The following ZNF496 variants were observed in gnomAD, a reference collection of about 807,000 sequenced individuals.
ZNF496 encodes NSD1 (nuclear receptor binding SET-domain containing 1)-interacting zinc finger protein 1.
ZNF496 carries 11 observed loss-of-function variants against 58.9 expected under a neutral mutation model. That is an observed-to-expected ratio of 0.19 (90% CI 0.12 to 0.31). The LOEUF is 0.31. ZNF496 is among the 10% of genes least tolerant of loss of function. The probability of loss-of-function intolerance (pLI) is 1.00; values close to 1 mark genes in which losing one functional copy is unlikely to be tolerated. For missense variants in ZNF496, 660 were observed against 783.0 expected, an observed-to-expected ratio of 0.84 and a Z score of 1.88; for synonymous variants, 338 against 318.2, an observed-to-expected ratio of 1.06 and a Z score of -0.66.
chr1:247,321,186 A>G (rs1289288678), intron 6 of ZNF496, among the ~76,000 whole-genome samples: 8 of 152,262 alleles, frequency 5.3e-5, no homozygotes, highest in Admixed American at 4.6e-4. Flanking sequence ...GGGGGAAAAA[A>G]AAACACGGAA....
chr1:247,302,630 T>C (rs902690259), intron 9 of ZNF496, among the ~76,000 whole-genome samples: 2 of 147,328 alleles, frequency 1.4e-5, no homozygotes, highest in Admixed American at 6.7e-5. Context: ...TGTGAGCCAC[T>C]GCGCCCGCCG....
chr1:247,319,184 C>T (rs1039047355), intron 6 of ZNF496, among the ~76,000 whole-genome samples: 2 of 152,098 alleles, frequency 1.3e-5, no homozygotes, highest in Admixed American at 6.6e-5. Context: ...GACAAGGTTT[C>T]GCTATGTTGC....
At chr1:247,321,765 T>C (rs1442600969) in intron 6 of ZNF496, among the ~76,000 whole-genome samples, 3 of 152,254 alleles carry the variant, frequency 2.0e-5, no homozygotes, top group Non-Finnish European at 4.4e-5. Flanking sequence ...TTATGTGTTA[T>C]ACTGGTTAAA....
chr1:247,326,776 C>T (rs1220802467), intron 5 of ZNF496, among the ~76,000 whole-genome samples: 1 of 151,988 alleles, frequency 6.6e-6, no homozygotes, highest in Non-Finnish European at 1.5e-5. Context: ...ATGGGTGGGC[C>T]CTAATCCAAT....
intron 6 of ZNF496, among the ~76,000 whole-genome samples, chr1:247,317,662 G>A (rs1269569786): frequency 1.3e-5 from 2 of 152,006 alleles, no homozygotes; most frequent in Admixed American, 6.6e-5. Flanking sequence ...TGATGCCCGC[G>A]GAGATCCAGG....
At chr1:247,306,495 C>A (rs1285857190) in intron 9 of ZNF496, among the ~76,000 whole-genome samples, 1 of 102,054 alleles carries the variant, frequency 9.8e-6, no homozygotes, top group Non-Finnish European at 2.3e-5. Context: ...CTGCACCTGG[C>A]CGTTTTTTTT....
Position 247,301,261 on chromosome 1 carries a change from C to T in ZNF496, c.1022G>A (p.Arg341Gln), listed in dbSNP as rs767815336. The T allele has an allele frequency of 1.3e-6, 2 of 1,512,468 alleles. No homozygotes were observed. Among genetic ancestry groups the T allele is most frequent in the Non-Finnish European group, 1.8e-6 (2 of 1,133,142 alleles). 93.7% of individuals were successfully genotyped at this position (1,512,468 alleles called of 1,614,324 possible). A position where few individuals can be genotyped will look rare whatever the true frequency, so the allele number is the denominator to read the frequency against. The change falls in exon 10 of 10, where the codon CGA becomes CAA. Residue 341 changes from arginine to glutamine, a missense_variant. Transcript: ENST00000682384. ...TTCATCCAGGCTGTTCTCTAGAGAT[C>T]GCGGGTTGCCGCCAGCTACAGGAAG... ...QNTYPAGGNP[R>Q]SLENSLDEEV...
At chr1:247,307,053 C>G (rs1218445947) in intron 9 of ZNF496, 7 of 965,458 alleles carry the variant, frequency 7.3e-6, no homozygotes, top group Non-Finnish European at 8.6e-6. Context: ...ACTAACTAGG[C>G]AATTCATAGA....
Position 247,320,848 on chromosome 1 carries a change from C to T in ZNF496, c.651+2306G>A, listed in dbSNP as rs186736678. ...GAATGGATAAACAAGGTGATATATA[C>T]ACACATGGGAGTATTATTCAACCTT... is the stretch of plus-strand genomic sequence containing the variant. On this transcript the variant is annotated intron_variant, in intron 6 of 9. Coordinates refer to ENST00000682384, the MANE Select transcript of ZNF496 (RefSeq NM_032752.3). Among the ~76,000 whole-genome samples, 27 of 152,262 alleles carry T rather than the reference C, an allele frequency of 1.8e-4. No homozygotes were observed. In the East Asian group the frequency reaches 4.6e-3, roughly 26 times the overall value.
In ZNF496 at chr1:247,319,929, A is replaced by G. The variant is rs531997010; in HGVS notation, c.651+3225T>C. ...CAGAGTGAGACTCCGCCTCAAACAA[A>G]ATAAAACAACACATATATACTATCT... On this transcript the variant is annotated intron_variant, in intron 6 of 9. Coordinates refer to ENST00000682384, the MANE Select transcript of ZNF496 (RefSeq NM_032752.3). 3.9e-5 allele frequency among the ~76,000 whole-genome samples: 6 copies of G among 152,312 alleles called. No individual in the cohort carries two copies. In the South Asian group the frequency reaches 1.0e-3, roughly 26 times the overall value.
At chr1:247,328,975 T>C (rs1394890562) in intron 4 of ZNF496, 109 bp from the exon 5 acceptor site, 20 of 1,440,792 alleles carry the variant, frequency 1.4e-5, no homozygotes, top group Non-Finnish European at 1.8e-5. Context: ...AACTTAGGCC[T>C]TGGACTGGGC....
chr1:247,309,986 G>C lies in ZNF496; in HGVS notation c.785-180C>G. 1.5e-6 allele frequency: 2 copies of C among 1,352,358 alleles called. No homozygotes were observed. The highest frequency in any genetic ancestry group is 2.0e-6 in the Non-Finnish European group (2 of 1,022,840). 83.8% of individuals were successfully genotyped at this position (1,352,358 alleles called of 1,614,324 possible). On this transcript the variant is annotated intron_variant, in intron 7 of 9. Transcript: ENST00000682384. The surrounding 1 kb of genome is among the most constrained non-coding windows in gnomAD (Gnocchi z 4.3). ...AGTGGGGGCAGCACACGCAGGGAGA[G>C]CTATGGGCTTGGGGGTCTCTCTGAG...
At position 247,298,685 on chromosome 1, in the gene ZNF496, G is replaced by C. The variant is rs960542831; in HGVS notation, c.*1834C>G. ...AGGAGCCTTGCCTGACTTACTGTCTGTTGGTAGGATGTGACATATGAATAA... is the reference window on the plus strand; with the variant it reads ...AGGAGCCTTGCCTGACTTACTGTCTCTTGGTAGGATGTGACATATGAATAA... On this transcript the variant is annotated 3_prime_UTR_variant, in exon 10 of 10. Coordinates refer to ENST00000682384, the MANE Select transcript of ZNF496 (RefSeq NM_032752.3). 6.6e-5 allele frequency: 10 copies of C among 152,294 alleles called. No homozygotes were observed. The highest frequency in any genetic ancestry group is 1.3e-4 in the Non-Finnish European group (9 of 68,092). 9.4% of individuals were successfully genotyped at this position (152,294 alleles called of 1,614,324 possible).
At chr1:247,327,812 C>T (rs1003437113) in intron 5 of ZNF496, among the ~76,000 whole-genome samples, 1 of 82,754 alleles carries the variant, frequency 1.2e-5, no homozygotes, top group Non-Finnish European at 2.7e-5. Context: ...TAAGAAAGCC[C>T]CCCTGGCCCC....
Position 247,308,715 on chromosome 1 carries a change from CAGGGGGTGG to C in ZNF496, c.893-136_893-128del. The C allele has an allele frequency of 1.2e-6, 1 of 816,962 alleles. No homozygotes were observed. Among genetic ancestry groups the C allele is most frequent in the South Asian group, 1.7e-5 (1 of 59,844 alleles). The allele number at this position is 816,962 out of a possible 1,614,324, so 50.6% of individuals were successfully genotyped here. On this transcript the variant is annotated intron_variant, in intron 8 of 9. Transcript: ENST00000682384. The surrounding 1 kb of genome is among the most constrained non-coding windows in gnomAD (Gnocchi z 4.5). Reference sequence around the variant, plus strand: ...CCCTGGGCTCCGTCCTGGGGACTGGCAGGGGGTGGCCACTCAATAAGTGTCTGCTGAGTG... The same window carrying C: ...CCCTGGGCTCCGTCCTGGGGACTGGCCCACTCAATAAGTGTCTGCTGAGTG...
In ZNF496 at chr1:247,319,852, G is replaced by C. The variant is rs181297712; in HGVS notation, c.651+3302C>G. ...GCAAGAGAACTGCTTGAACCCAGGA[G>C]ATGGGGGCTCCAGTGAGCTGAGATC... On this transcript the variant is annotated intron_variant, in intron 6 of 9. Transcript: ENST00000682384. Among the ~76,000 whole-genome samples, 200 of 152,262 alleles carry C rather than the reference G, an allele frequency of 1.3e-3. 1 individual carries two copies. The highest frequency in any genetic ancestry group is 8.8e-5 in the Non-Finnish European group (6 of 68,022).
At chr1:247,326,338 T>G (rs1013607572) in intron 5 of ZNF496, among the ~76,000 whole-genome samples, 1 of 152,044 alleles carries the variant, frequency 6.6e-6, no homozygotes, top group Non-Finnish European at 1.5e-5. Context: ...ACTGTCCCAA[T>G]AGTTAAGGTT....
intron 5 of ZNF496, among the ~76,000 whole-genome samples, chr1:247,325,103 C>T (rs753300196): frequency 1.3e-5 from 2 of 152,192 alleles, no homozygotes; most frequent in South Asian, 4.1e-4. Context: ...AAAGCAAACC[C>T]CAGAGGCCAG....
chr1:247,320,233 C>T (rs1425409274), intron 6 of ZNF496, among the ~76,000 whole-genome samples: 2 of 152,144 alleles, frequency 1.3e-5, no homozygotes, highest in South Asian at 4.1e-4. Flanking sequence ...CCCGGATAGT[C>T]CTCAACCAGT....
Sources: gnomAD v4.1 joint callset for allele counts (sites outside exome capture counted in the v4.1 genomes callset) on GRCh38, gnomAD v4.1.1 for gene constraint, Gnocchi (gnomAD v3.1) non-coding constraint, MANE v1.5 for transcripts, NCBI Gene and HGNC (gene_info 2026-07-23, HGNC 2026-07-21) for gene names.